Variants in ABCG8 observed in about 807,000 individuals in gnomAD.
ABCG8 encodes the protein ATP-binding cassette sub-family G member 8.
ABCG8 carries 81 observed loss-of-function variants against 71.3 expected under a neutral mutation model. The observed-to-expected ratio is 1.14, with a 90% confidence interval of 0.95 to 1.37. The LOEUF (loss-of-function observed/expected upper bound fraction) is 1.37, where lower values mean the gene tolerates loss of function less well. Ranked by LOEUF, ABCG8 falls within the 40% of genes most tolerant of loss-of-function variation. The pLI, the probability that ABCG8 is intolerant of heterozygous loss-of-function variation, is 0.00. For missense variants in ABCG8, 1,119 were observed against 866.2 expected (o/e 1.29, Z -3.66); for synonymous variants, 451 against 354.7 (o/e 1.27, Z -3.05).
At chr2:43,872,183 T>G in intron 7 of ABCG8, 40 bp from the exon 8 acceptor site, 1 of 1,613,942 alleles carries the variant, frequency 6.2e-7, no homozygotes, top group Non-Finnish European at 8.5e-7. Context: ...CTGCAGAAGG[T>G]GGCTGCCCCC....
rs759068364 is a variant in ABCG8 at position 43,852,721 on chromosome 2, C to T, written c.817C>T (p.Arg273Cys). 22 of 1,614,064 alleles carry T rather than the reference C, an allele frequency of 1.4e-5. No homozygotes were observed. Among genetic ancestry groups the T allele is most frequent in the South Asian group, 4.4e-5 (4 of 91,088 alleles). ...GGTGCTCATCTCCCTCCACCAGCCT[C>T]GCTCTGACATCTTCAGGCTGTTTGA... ...RLVLISLHQPRSDIFRLFDLV... is the reference protein window; with the variant it reads ...RLVLISLHQPCSDIFRLFDLV... Residue 273 changes from arginine to cysteine, a missense_variant, in exon 6 of 13, where the codon CGC (arginine) becomes TGC (cysteine). Transcript: ENST00000272286.
At chr2:43,846,990 G>GCACACACACACACA (rs368330289) in intron 3 of ABCG8, 6 of 110,838 alleles carry the variant, frequency 5.4e-5, no homozygotes, top group African/African-American at 2.2e-4. Context: ...ACGCGCGCGT[G>GCACACACACACACA]CACACACACA....
intron 6 of ABCG8, among the ~76,000 whole-genome samples, chr2:43,855,629 A>ACCATT (rs1321841780): frequency 6.6e-6 from 1 of 151,820 alleles, no homozygotes; most frequent in Admixed American, 6.6e-5. Flanking sequence ...TAGAAATCTC[A>ACCATT]CTATCTGTCT....
At chr2:43,874,270 T>C in intron 9 of ABCG8, 137 bp from the exon 10 acceptor site, 1 of 856,144 alleles carries the variant, frequency 1.2e-6, no homozygotes, top group Non-Finnish European at 1.9e-6. Flanking sequence ...GGCTTTACTG[T>C]GCCTATTTAA....
Position 43,872,033 on chromosome 2 carries a change from A to C in ABCG8, c.1022A>C (p.Lys341Thr). The C allele has an allele frequency of 6.2e-7, 1 of 1,614,126 alleles. No individual in the cohort carries two copies. The highest frequency in any genetic ancestry group is 1.1e-5 in the South Asian group (1 of 91,086). ...SREQELATREKAQSLAALFLE... is the reference protein window; with the variant it reads ...SREQELATRETAQSLAALFLE... ...GAGCAGGAATTGGCCACCAGGGAGA[A>C]GGCTCAGTCACTCGCAGCCCTGTTT... The change falls in exon 7 of 13, where the codon AAG becomes ACG. Residue 341 changes from lysine to threonine, a missense_variant. Coordinates refer to ENST00000272286, the MANE Select transcript of ABCG8 (RefSeq NM_022437.3).
chr2:43,857,464 G>A (rs190898285), intron 6 of ABCG8, among the ~76,000 whole-genome samples: 1 of 151,000 alleles, frequency 6.6e-6, no homozygotes, highest in South Asian at 2.1e-4. Flanking sequence ...ACTCTATATA[G>A]AACTCTCACT....
At chr2:43,853,504 G>T (rs761045060) in intron 6 of ABCG8, among the ~76,000 whole-genome samples, 4 of 152,156 alleles carry the variant, frequency 2.6e-5, no homozygotes, top group Non-Finnish European at 5.9e-5. Context: ...CAGGCGTCAT[G>T]GTTGTACCAG....
intron 3 of ABCG8, 176 bp downstream of exon 3, chr2:43,846,487 A>G (rs1188817349): frequency 7.6e-6 from 7 of 920,580 alleles, no homozygotes; most frequent in Non-Finnish European, 8.4e-6. Context: ...TGGCTCCTCC[A>G]TTTGCTGGCT....
chr2:43,872,257 A>G lies in ABCG8; in HGVS notation c.1162A>G (p.Ser388Gly), dbSNP rs765841884. ...CCCACTAGACACCAACTGCCTCCCG[A>G]GTCCTACGAAGATGCCTGGGGCGGT... ...VTPLDTNCLP[S>G]PTKMPGAVQQ... Residue 388 changes from serine (S) to glycine (G), a missense_variant, in exon 8 of 13, where the codon AGT (serine) becomes GGT (glycine). By Grantham distance (56) the Ser-to-Gly change is moderately conservative. Transcript: ENST00000272286. 6.2e-7 allele frequency: 1 copy of G among 1,613,950 alleles called. No individual in the cohort carries two copies. The highest frequency in any genetic ancestry group is 2.2e-5 in the East Asian group (1 of 44,886).
chr2:43,881,835 C>T lies in ABCG8; in HGVS notation c.*3922C>T, dbSNP rs1031563896. ...TGAAAGCATGGCTTGCAAAGTTTTC[C>T]TGTTAAGAGTCAGATAGTAAATATT... On this transcript the variant is annotated 3_prime_UTR_variant, in exon 13 of 13. Coordinates refer to ENST00000272286, the MANE Select transcript of ABCG8 (RefSeq NM_022437.3). 2 of 152,124 alleles carry T rather than the reference C, an allele frequency of 1.3e-5. No individual in the cohort carries two copies. The highest frequency in any genetic ancestry group is 4.8e-5 in the African/African-American group (2 of 41,432). 9.4% of individuals were successfully genotyped at this position (152,124 alleles called of 1,614,324 possible).
At chr2:43,866,478 T>C (rs1246438002) in intron 6 of ABCG8, among the ~76,000 whole-genome samples, 1 of 151,728 alleles carries the variant, frequency 6.6e-6, no homozygotes, top group Non-Finnish European at 1.5e-5. Flanking sequence ...GAATCTACAA[T>C]GAAGTCAAAC....
At chr2:43,846,554 G>C in intron 3 of ABCG8, 1 of 527,452 alleles carries the variant, frequency 1.9e-6, no homozygotes, top group Non-Finnish European at 3.4e-6. Context: ...ACCCGAGGCT[G>C]TGGCCAGAGC....
intron 6 of ABCG8, among the ~76,000 whole-genome samples, chr2:43,864,106 C>A (rs546060932): frequency 1.3e-5 from 2 of 151,682 alleles, no homozygotes; most frequent in African/African-American, 4.8e-5. Flanking sequence ...CTCTCACTAT[C>A]TATCTGGATA....
chr2:43,842,735 C>T (rs1357423183), intron 1 of ABCG8, among the ~76,000 whole-genome samples: 2 of 152,000 alleles, frequency 1.3e-5, no homozygotes, highest in African/African-American at 2.4e-5. Context: ...TCTCCCCGCT[C>T]CCCAGAGATA....
In ABCG8 at chr2:43,878,506, TC is replaced by T. The variant is rs1480551106; in HGVS notation, c.*596del. On this transcript the variant is annotated 3_prime_UTR_variant, in exon 13 of 13. Transcript: ENST00000272286. ...CTGTGAAAACACTTTAGGTGGACAA[TC>T]CCTTGAGGTAAGTGGTATCCCATTT... 5.8e-6 allele frequency: 1 copy of T among 173,778 alleles called. No individual in the cohort carries two copies. Among genetic ancestry groups the T allele is most frequent in the Non-Finnish European group, 1.3e-5 (1 of 79,444 alleles). The allele number at this position is 173,778 out of a possible 1,614,324, so 10.8% of individuals were successfully genotyped here.
rs1262753940 is a variant in ABCG8 at position 43,878,740 on chromosome 2, C to G, written c.*827C>G. ...AGAGGCTGTTAACTCAGCCAGGCTT[C>G]TTAGAGTTGCATTTCACTAACTGAT... On this transcript the variant is annotated 3_prime_UTR_variant, in exon 13 of 13. Coordinates refer to ENST00000272286, the MANE Select transcript of ABCG8 (RefSeq NM_022437.3). 1.3e-5 allele frequency: 2 copies of G among 152,332 alleles called. No individual in the cohort carries two copies. The highest frequency in any genetic ancestry group is 2.9e-5 in the Non-Finnish European group (2 of 68,144). The allele number at this position is 152,332 out of a possible 1,614,324, so 9.4% of individuals were successfully genotyped here.
At position 43,875,228 on chromosome 2, in the gene ABCG8, G is replaced by A. The variant is rs146962338; in HGVS notation, c.1571G>A (p.Gly524Asp). 10 of 1,614,084 alleles carry A rather than the reference G, an allele frequency of 6.2e-6. No homozygotes were observed. The highest frequency in any genetic ancestry group is 8.5e-6 in the Non-Finnish European group (10 of 1,180,050). ...TACTGGCTGGCCAACCTGAGGCCAG[G>A]CCTCCAGCCCTTCCTGCTGCACTTC... Reference protein sequence around the residue: ...PTYWLANLRPGLQPFLLHFLL... With the variant: ...PTYWLANLRPDLQPFLLHFLL... Residue 524 changes from glycine to aspartate, a missense_variant, in exon 11 of 13, where the codon GGC (glycine) becomes GAC (aspartate). Coordinates refer to ENST00000272286, the MANE Select transcript of ABCG8 (RefSeq NM_022437.3).
rs1456027544 is a variant in ABCG8, at chr2:43,881,274, C to T, written c.*3361C>T. 2 of 152,236 alleles carry T rather than the reference C, an allele frequency of 1.3e-5. No homozygotes were observed. The highest frequency in any genetic ancestry group is 2.4e-5 in the African/African-American group (1 of 41,448). 9.4% of individuals were successfully genotyped at this position (152,236 alleles called of 1,614,324 possible). ...CAGCTGCCATTTATTTGTGTTTTTCCTACAGCGGTGGTTCTCCACCCTGGT... is the reference window on the plus strand; with the variant it reads ...CAGCTGCCATTTATTTGTGTTTTTCTTACAGCGGTGGTTCTCCACCCTGGT... On this transcript the variant is annotated 3_prime_UTR_variant, in exon 13 of 13. Coordinates refer to ENST00000272286, the MANE Select transcript of ABCG8 (RefSeq NM_022437.3).
chr2:43,875,855 C>A (rs762819963), intron 11 of ABCG8, among the ~76,000 whole-genome samples: 6 of 152,160 alleles, frequency 3.9e-5, no homozygotes, highest in African/African-American at 7.2e-5. Flanking sequence ...CCCATGCCCC[C>A]CTTTGTTCAA....
Sources: gnomAD v4.1 joint callset for allele counts (sites outside exome capture counted in the v4.1 genomes callset) on GRCh38, gnomAD v4.1.1 for gene constraint, MANE v1.5 for transcripts, NCBI Gene and HGNC (gene_info 2026-07-23, HGNC 2026-07-21) for gene names.